The following RELA variants were observed in gnomAD, a reference collection of about 807,000 sequenced individuals.
The protein encoded by RELA is RELA proto-oncogene, NF-kB subunit.
A neutral mutation model predicts 56.7 loss-of-function variants in RELA; 14 were observed. That is an observed-to-expected ratio of 0.25 (90% CI 0.16 to 0.39). The LOEUF (loss-of-function observed/expected upper bound fraction) is 0.39. Among genes scored for constraint, RELA ranks in the 10% least tolerant of loss-of-function variants. The pLI is 1.00. For synonymous variants in RELA, 315 were observed against 289.7 expected, an observed-to-expected ratio of 1.09 and a Z score of -0.89; for missense variants, 559 against 736.4, an observed-to-expected ratio of 0.76 and a Z score of 2.79.
At position 65,654,253 on chromosome 11, in the gene RELA, C is replaced by A; in HGVS notation, c.*125G>T. On this transcript the variant is annotated 3_prime_UTR_variant, in exon 11 of 11. Transcript: ENST00000406246. The stretch of plus-strand genomic sequence containing the variant: ...ATAAAAGAATAAAATATGGCTCCCC[C>A]CTCCAAGGAAGACATCCACAAAGTT... 2 of 1,161,152 alleles carry A rather than the reference C, an allele frequency of 1.7e-6. No homozygotes were observed. Among genetic ancestry groups the A allele is most frequent in the Non-Finnish European group, 2.5e-6 (2 of 785,324 alleles). 71.9% of individuals were successfully genotyped at this position (1,161,152 alleles called of 1,614,324 possible).
intron 4 of RELA, chr11:65,660,900 G>T (rs1167195098): frequency 6.6e-6 from 1 of 152,404 alleles, no homozygotes; most frequent in African/African-American, 2.4e-5. Flanking sequence ...TTAGCCAGGC[G>T]TGGTGGCAGG....
At chr11:65,663,249 A>G (rs1406995556), upstream of RELA, among the ~76,000 whole-genome samples, 1 of 152,038 alleles carries the variant, frequency 6.6e-6, no homozygotes, top group Non-Finnish European at 1.5e-5. Context: ...GGTCTGGAGC[A>G]AAGCCAGGGC....
At chr11:65,655,967 C>T (rs923201045) in intron 8 of RELA, 32 bp from the exon 9 acceptor site, 3 of 1,598,810 alleles carry the variant, frequency 1.9e-6, no homozygotes, top group African/African-American at 2.7e-5. Context: ...GTGGGACTTG[C>T]TCTCCTCAGG....
rs1754050895 is a variant in RELA, at chr11:65,658,621, AGGAGG to A, written c.664+92_664+96del. The A allele has an allele frequency of 1.4e-6, 2 of 1,398,282 alleles. No homozygotes were observed. Among genetic ancestry groups the A allele is most frequent in the South Asian group, 2.4e-5 (2 of 84,928 alleles). The allele number at this position is 1,398,282 out of a possible 1,614,324, so 86.6% of individuals were successfully genotyped here. On this transcript the variant is annotated intron_variant, in intron 7 of 10. Coordinates refer to ENST00000406246, the MANE Select transcript of RELA (RefSeq NM_021975.4). The surrounding 1 kb of genome is among the most constrained non-coding windows in gnomAD (Gnocchi z 4.5). ...GGCCCACCTGAGGCCCCCGAGGCAC[AGGAGG>A]AAGTATCCAAAGCCAGTTACCTGAC...
chr11:65,662,929 C>T, upstream of RELA: 1 of 1,038,002 alleles, frequency 9.6e-7, no homozygotes, highest in Non-Finnish European at 1.2e-6. Flanking sequence ...GCCGCGCGGC[C>T]CGCCGTCGCG....
Position 65,654,882 on chromosome 11 carries a change from G to C in RELA, c.1152C>G (p.Pro384=), listed in dbSNP as rs1398314771. Residue 384 remains proline (P), a synonymous_variant, in exon 11 of 11, where the codon CCC becomes CCG. Transcript: ENST00000406246. ...GGGCTGGAGCCTGGGGCAGGACTTGGGGAGGGGCCGGGGCCAAGGCCGAGG... is the reference window on the plus strand; with the variant it reads ...GGGCTGGAGCCTGGGGCAGGACTTGCGGAGGGGCCGGGGCCAAGGCCGAGG... ...SQASALAPAP[P]QVLPQAPAPA... 3 of 1,579,604 alleles carry C rather than the reference G, an allele frequency of 1.9e-6. No individual in the cohort carries two copies. Among genetic ancestry groups the C allele is most frequent in the South Asian group, 2.3e-5 (2 of 86,938 alleles).
At chr11:65,662,649 G>A (rs992198028) in intron 1 of RELA, 177 bp downstream of exon 1, 18 of 413,714 alleles carry the variant, frequency 4.4e-5, no homozygotes, top group Non-Finnish European at 6.3e-5. Flanking sequence ...CACCCAGAGG[G>A]GAAACTGAGT....
chr11:65,660,087 C>CA, intron 5 of RELA, 37 bp downstream of exon 5: 1 of 1,588,540 alleles, frequency 6.3e-7, no homozygotes, highest in Non-Finnish European at 8.6e-7. Context: ...GGGAGGGTGA[C>CA]AGAGGGTGCG....
chr11:65,660,502 T>C, intron 4 of RELA: 1 of 388,236 alleles, frequency 2.6e-6, no homozygotes, highest in Non-Finnish European at 4.6e-6. Flanking sequence ...CTCAAGGCCT[T>C]TGCACTTGTT....
Position 65,661,946 on chromosome 11 carries a change from G to T in RELA, c.177C>A (p.Pro59=), listed in dbSNP as rs771429963. Residue 59 remains proline, a synonymous_variant, in exon 3 of 11, where the codon CCC becomes CCA. Transcript: ENST00000406246. ...ERSTDTTKTH[P]TIKINGYTGP... ...CTGGCGCAGTGCTGACCTTGATGGT[G>T]GGGTGGGTCTTGGTGGTATCTGTGC... 3 of 1,613,468 alleles carry T rather than the reference G, an allele frequency of 1.9e-6. No individual in the cohort carries two copies. The highest frequency in any genetic ancestry group is 1.7e-5 in the Admixed American group (1 of 59,916).
upstream of RELA, among the ~76,000 whole-genome samples, chr11:65,663,371 T>G (rs1427021169): frequency 2.6e-5 from 4 of 152,112 alleles, no homozygotes; most frequent in Non-Finnish European, 5.9e-5. Context: ...TAAAGGTGCC[T>G]TTCGGTGGTG....
At position 65,659,712 on chromosome 11, in the gene RELA, C is replaced by A. The variant is rs746111744; in HGVS notation, c.513G>T (p.Arg171Ser). ...FQVTVRDPSG[R>S]PLRLPPVLSH... ...AAAGGACAGGCGGCAGGCGGAGGGG[C>A]CTGCCTGATGGGTCCCGCACTGTCA... Residue 171 changes from arginine to serine, a missense_variant, in exon 6 of 11, where the codon AGG becomes AGT. Arg to Ser is a moderately radical substitution (Grantham distance 110). This residue lies in a region of RELA where 149 missense variants were observed against 256.0 expected (regional missense o/e 0.58). Coordinates refer to ENST00000406246, the MANE Select transcript of RELA (RefSeq NM_021975.4). The A allele has an allele frequency of 1.5e-5, 24 of 1,613,806 alleles. No homozygotes were observed. Among genetic ancestry groups the A allele is most frequent in the Non-Finnish European group, 1.9e-5 (23 of 1,180,028 alleles).
Position 65,655,011 on chromosome 11 carries a change from G to A in RELA, c.1034-11C>T, listed in dbSNP as rs200910833. The A allele has an allele frequency of 1.3e-6, 2 of 1,585,460 alleles. No homozygotes were observed. The highest frequency in any genetic ancestry group is 1.7e-6 in the Non-Finnish European group (2 of 1,165,480). On this transcript the variant is annotated splice_polypyrimidine_tract_variant and intron_variant, in intron 10 of 10. Coordinates refer to ENST00000406246, the MANE Select transcript of RELA (RefSeq NM_021975.4). ...GATAGGGCTGGGGTGCTGGAGGAGA[G>A]AGACAGAGAGGCAGGGGTCAGAGAA... is the stretch of plus-strand genomic sequence containing the variant.
chr11:65,656,254 C>T (rs1856425091), intron 8 of RELA, among the ~76,000 whole-genome samples: 1 of 152,228 alleles, frequency 6.6e-6, no homozygotes, highest in Non-Finnish European at 1.5e-5. Flanking sequence ...CATCCTGGCT[C>T]ATTGTCAGCC....
chr11:65,662,917 G>A, upstream of RELA: 1 of 1,088,388 alleles, frequency 9.2e-7, no homozygotes, highest in Non-Finnish European at 1.1e-6. Flanking sequence ...AGGCGGAAAT[G>A]CGCCGCGCGG....
At chr11:65,659,537 G>A (rs1426032843) in intron 6 of RELA, 129 bp downstream of exon 6, 3 of 1,214,620 alleles carry the variant, frequency 2.5e-6, no homozygotes, top group Non-Finnish European at 3.5e-6. Context: ...GCTGGGCAGA[G>A]AAGAGTAGAC....
At chr11:65,662,344 G>T in intron 1 of RELA, 139 bp from the exon 2 acceptor site, 1 of 1,000,056 alleles carries the variant, frequency 1.0e-6, no homozygotes, top group Non-Finnish European at 1.4e-6. Flanking sequence ...AACCTGCGGT[G>T]AAACTAAGGG....
chr11:65,655,628 T>TA (rs769078542), intron 10 of RELA, 60 bp downstream of exon 10: 137 of 1,525,818 alleles, frequency 9.0e-5, no homozygotes, highest in Non-Finnish European at 1.2e-4. Flanking sequence ...TCATCTCCAC[T>TA]GCTCCTCAGC....
intron 8 of RELA, among the ~76,000 whole-genome samples, chr11:65,656,561 T>A (rs1424252504): frequency 1.3e-5 from 2 of 152,202 alleles, no homozygotes; most frequent in African/African-American, 4.8e-5. Flanking sequence ...TTATCTTCTT[T>A]TCTCTCACTC....
Sources: gnomAD v4.1 joint callset for allele counts (sites outside exome capture counted in the v4.1 genomes callset) on GRCh38, gnomAD v4.1.1 for gene constraint, gnomAD v4.1.1 regional missense constraint, Gnocchi (gnomAD v3.1) non-coding constraint, MANE v1.5 for transcripts, NCBI Gene and HGNC (gene_info 2026-07-23, HGNC 2026-07-21) for gene names.